KCNIP4: variants seen among roughly 807,000 people sequenced by gnomAD.
The protein encoded by KCNIP4 is potassium voltage-gated channel interacting protein 4.
KCNIP4 carries 12 observed loss-of-function variants against 34.0 expected under a neutral mutation model. That is an observed-to-expected ratio of 0.35 (90% CI 0.23 to 0.57). KCNIP4 has a LOEUF of 0.57. KCNIP4 is among the 20% of genes least tolerant of loss of function. The pLI is 0.83. For synonymous variants in KCNIP4, 124 were observed against 102.2 expected (o/e 1.21, Z -1.29); for missense variants, 238 against 311.7 (o/e 0.76, Z 1.78).
intron 1 of KCNIP4, among the ~76,000 whole-genome samples, chr4:21,593,591 G>C (rs964610466): frequency 6.6e-6 from 1 of 152,052 alleles, no homozygotes; most frequent in Non-Finnish European, 1.5e-5. Flanking sequence ...TAGCACTGCA[G>C]ATTTTGCACC....
chr4:21,475,031 T>C (rs1275979451), intron 1 of KCNIP4, among the ~76,000 whole-genome samples: 1 of 149,342 alleles, frequency 6.7e-6, no homozygotes, highest in Non-Finnish European at 1.5e-5. Context: ...GTTAATAAAA[T>C]AAATTAATTA....
chr4:21,337,669 C>T (rs1716313119), intron 1 of KCNIP4, among the ~76,000 whole-genome samples: 1 of 152,202 alleles, frequency 6.6e-6, no homozygotes, highest in African/African-American at 2.4e-5. Context: ...TAAGAGGCTT[C>T]AACTGGCTAT....
intron 1 of KCNIP4, among the ~76,000 whole-genome samples, chr4:21,364,273 A>G (rs1020660024): frequency 6.6e-6 from 1 of 152,158 alleles, no homozygotes; most frequent in Admixed American, 6.6e-5. Flanking sequence ...TCCAAACCAT[A>G]TATTTATTGA....
chr4:20,818,920 CTTT>C (rs11382765), intron 3 of KCNIP4, among the ~76,000 whole-genome samples: 1 of 104,954 alleles, frequency 9.5e-6, no homozygotes, highest in Non-Finnish European at 1.9e-5. Flanking sequence ...TATATTATCT[CTTT>C]TTTTTTTTTT....
chr4:21,479,211 G>A (rs1047109479), intron 1 of KCNIP4, among the ~76,000 whole-genome samples: 1 of 152,112 alleles, frequency 6.6e-6, no homozygotes. Context: ...CCAACTCCTT[G>A]TACTTTAGAT....
At chr4:21,040,333 A>G (rs193083138) in intron 1 of KCNIP4, among the ~76,000 whole-genome samples, 1 of 152,302 alleles carries the variant, frequency 6.6e-6, no homozygotes, top group East Asian at 1.9e-4. Context: ...TGTTCCCATA[A>G]TGAGAGACAG....
At chr4:20,793,234 G>A (rs1560468538) in intron 3 of KCNIP4, among the ~76,000 whole-genome samples, 1 of 152,100 alleles carries the variant, frequency 6.6e-6, no homozygotes, top group Non-Finnish European at 1.5e-5. Context: ...ATAGTACTCA[G>A]CAACACAAAG....
At chr4:21,354,056 T>C (rs777019319) in intron 1 of KCNIP4, among the ~76,000 whole-genome samples, 1 of 152,260 alleles carries the variant, frequency 6.6e-6, no homozygotes, top group Non-Finnish European at 1.5e-5. Context: ...CTAAGCTTCA[T>C]AAGTGTGGGA....
At chr4:20,802,562 C>T (rs1203726382) in intron 3 of KCNIP4, among the ~76,000 whole-genome samples, 1 of 152,068 alleles carries the variant, frequency 6.6e-6, no homozygotes, top group Non-Finnish European at 1.5e-5. Flanking sequence ...CAACTTTTTT[C>T]ACACATGGAA....
intron 1 of KCNIP4, among the ~76,000 whole-genome samples, chr4:21,416,270 A>C (rs1187639398): frequency 6.6e-6 from 1 of 152,200 alleles, no homozygotes; most frequent in African/African-American, 2.4e-5. Context: ...TGGAATACAC[A>C]AAGAGTTTCA....
chr4:20,980,748 A>G lies in KCNIP4; in HGVS notation c.62-98039T>C, dbSNP rs545935855. On this transcript the variant is annotated intron_variant, in intron 1 of 8. Transcript: ENST00000382152. ...TTCCTGAGGACAACATGTAAGCTCA[A>G]TGCTGCCTAAAAGAAGCTCAAATTT... 4.6e-5 allele frequency among the ~76,000 whole-genome samples: 7 copies of G among 152,016 alleles called. No homozygotes were observed. The South Asian group carries it at 6.2e-4, about 14-fold the overall frequency.
At chr4:20,976,405 T>A (rs759814774) in intron 1 of KCNIP4, among the ~76,000 whole-genome samples, 37 of 152,336 alleles carry the variant, frequency 2.4e-4, no homozygotes, top group Non-Finnish European at 4.6e-4. Flanking sequence ...ACTTATTGGC[T>A]CCTATTTGTG....
intron 3 of KCNIP4, among the ~76,000 whole-genome samples, chr4:20,838,938 G>A (rs1022866216): frequency 6.6e-6 from 1 of 152,132 alleles, no homozygotes; most frequent in Non-Finnish European, 1.5e-5. Context: ...ACATTTTAAT[G>A]TTATGTCTTT....
At chr4:20,791,613 T>A (rs976676900) in intron 3 of KCNIP4, among the ~76,000 whole-genome samples, 7 of 152,190 alleles carry the variant, frequency 4.6e-5, no homozygotes, top group African/African-American at 1.4e-4. Flanking sequence ...AAGTTAAAGA[T>A]GTTTGCTATA....
At chr4:21,586,572 A>G (rs533419530) in intron 1 of KCNIP4, among the ~76,000 whole-genome samples, 17 of 152,170 alleles carry the variant, frequency 1.1e-4, no homozygotes, top group Non-Finnish European at 2.2e-4. Flanking sequence ...AAAAGGTTCC[A>G]AAAAGAAAAG....
intron 1 of KCNIP4, among the ~76,000 whole-genome samples, chr4:21,217,987 G>GTT (rs57025407): frequency 0.06 from 8,776 of 145,364 alleles, 309 homozygotes; most frequent in African/African-American, 0.079. Context: ...CCCCTGTATA[G>GTT]TTTTTTTTTT....
intron 1 of KCNIP4, chr4:21,847,130 T>C (rs1170504651): frequency 2.6e-5 from 4 of 152,150 alleles, no homozygotes; most frequent in Non-Finnish European, 4.4e-5. Context: ...TTTCAGTTCA[T>C]CACCTTCTAT....
intron 1 of KCNIP4, among the ~76,000 whole-genome samples, chr4:21,076,144 T>C (rs1183510637): frequency 1.1e-4 from 16 of 152,186 alleles, no homozygotes; most frequent in Non-Finnish European, 2.1e-4. Context: ...AGGAGTATCT[T>C]TGTGGCATTC....
intron 5 of KCNIP4, among the ~76,000 whole-genome samples, chr4:20,741,093 G>C (rs1412745046): frequency 6.6e-6 from 1 of 152,150 alleles, no homozygotes; most frequent in Non-Finnish European, 1.5e-5. Flanking sequence ...GATCTACAAA[G>C]AGACTTAGAC....
Sources: allele counts gnomAD v4.1 joint callset (sites outside exome capture counted in the v4.1 genomes callset), GRCh38; gene constraint gnomAD v4.1.1; transcripts MANE v1.5; gene names NCBI Gene and HGNC (gene_info 2026-07-23, HGNC 2026-07-21).